DLGAP1: variants seen among roughly 807,000 people sequenced by gnomAD.
The protein encoded by DLGAP1 is disks large-associated protein 1.
In DLGAP1, 11 loss-of-function variants were observed where a neutral mutation model predicts 90.8. The ratio of observed to expected loss-of-function variants is 0.12; its 90% CI spans 0.08 to 0.20. DLGAP1 has a LOEUF of 0.20. Among genes scored for constraint, DLGAP1 ranks in the 10% least tolerant of loss-of-function variants. The probability of loss-of-function intolerance (pLI) is 1.00; values close to 1 mark genes in which losing one functional copy is unlikely to be tolerated. For missense variants in DLGAP1, 1,050 were observed against 1,333.8 expected (o/e 0.79, Z 3.31); for synonymous variants, 558 against 540.7 (o/e 1.03, Z -0.44).
chr18:4,025,059 C>A (rs958457266), intron 2 of DLGAP1, among the ~76,000 whole-genome samples: 3 of 152,150 alleles, frequency 2.0e-5, no homozygotes, highest in African/African-American at 7.2e-5. Context: ...ACTTCTTGTG[C>A]ACTTATAAAG....
intron 1 of DLGAP1, among the ~76,000 whole-genome samples, chr18:4,400,173 C>G (rs1382930402): frequency 1.3e-5 from 2 of 152,116 alleles, no homozygotes; most frequent in Admixed American, 1.3e-4. Flanking sequence ...CCCTGAGCAT[C>G]TGCCTGCACT....
chr18:3,747,185 T>C (rs2063306631), intron 5 of DLGAP1, among the ~76,000 whole-genome samples: 1 of 152,164 alleles, frequency 6.6e-6, no homozygotes, highest in African/African-American at 2.4e-5. Context: ...CCTGTCTGTA[T>C]TTTTTAATAT....
chr18:4,351,217 T>C lies in DLGAP1; in HGVS notation c.-267+103789A>G, dbSNP rs142128123. ...TTCAACCAATTGTTAGCGTGTTTGC[T>C]GTAGATTAAAACACTGCCACAGGCT... is the stretch of plus-strand genomic sequence containing the variant. On this transcript the variant is annotated intron_variant, in intron 1 of 12. Transcript: ENST00000315677. 4.3e-3 allele frequency among the ~76,000 whole-genome samples: 660 copies of C among 152,330 alleles called. 5 individuals are homozygous for C. Among genetic ancestry groups the C allele is most frequent in the African/African-American group, 0.015 (638 of 41,574 alleles).
intron 1 of DLGAP1, among the ~76,000 whole-genome samples, chr18:4,204,937 C>CT (rs2077691057): frequency 6.6e-6 from 1 of 150,712 alleles, no homozygotes; most frequent in Non-Finnish European, 1.5e-5. Flanking sequence ...TGGCTTGACT[C>CT]TTCTTCCCCC....
intron 7 of DLGAP1, among the ~76,000 whole-genome samples, chr18:3,678,807 AAAG>A (rs2060404494): frequency 6.6e-6 from 1 of 152,302 alleles, no homozygotes; most frequent in South Asian, 2.1e-4. Flanking sequence ...AGCTCCAGTA[AAAG>A]AAGGTGTGAA....
intron 4 of DLGAP1, among the ~76,000 whole-genome samples, chr18:3,835,465 C>T (rs577745072): frequency 1.2e-3 from 180 of 151,892 alleles, no homozygotes; most frequent in African/African-American, 3.9e-3. Context: ...CTGGGTAACA[C>T]GGTGAAACCC....
At chr18:4,319,534 T>C (rs901160131) in intron 1 of DLGAP1, among the ~76,000 whole-genome samples, 2 of 152,130 alleles carry the variant, frequency 1.3e-5, no homozygotes, top group African/African-American at 2.4e-5. Context: ...CTTTAATTCT[T>C]GAAGATGACT....
intron 6 of DLGAP1, 118 bp downstream of exon 6, chr18:3,742,217 C>T: frequency 1.6e-6 from 2 of 1,272,450 alleles, no homozygotes; most frequent in Non-Finnish European, 2.2e-6. Flanking sequence ...GACCTCCTGT[C>T]TGATCCATCA....
At chr18:3,851,169 C>A (rs183742587) in intron 4 of DLGAP1, among the ~76,000 whole-genome samples, 35 of 152,136 alleles carry the variant, frequency 2.3e-4, no homozygotes, top group African/African-American at 7.2e-4. Flanking sequence ...TCAGAAATCT[C>A]TGTTGAATAT....
intron 4 of DLGAP1, among the ~76,000 whole-genome samples, chr18:3,862,059 C>G (rs2070100359): frequency 6.6e-6 from 1 of 152,252 alleles, no homozygotes; most frequent in African/African-American, 2.4e-5. Context: ...TTGAGACTCA[C>G]TTGTCTCAGC....
rs1186426563 is a variant in DLGAP1, at chr18:3,720,888, C to CAAAAAAAAAA, written c.1591+8237_1591+8246dup. Among the ~76,000 whole-genome samples the CAAAAAAAAAA allele has an allele frequency of 3.8e-4, 19 of 50,300 alleles. 1 individual carries two copies. Among genetic ancestry groups the CAAAAAAAAAA allele is most frequent in the South Asian group, 8.9e-4 (1 of 1,128 alleles). 33.0% of individuals were successfully genotyped at this position (50,300 alleles called of 152,430 possible). A position where few individuals can be genotyped will look rare whatever the true frequency, so the allele number is the denominator to read the frequency against. ...GCAACATACTAAGACCTTGTCTCTACAAAAAAAAAAAAAAAAAAAAATTAG... is the reference window on the plus strand; with the variant it reads ...GCAACATACTAAGACCTTGTCTCTACAAAAAAAAAAAAAAAAAAAAAAAAAAAAAAATTAG... On this transcript the variant is annotated intron_variant, in intron 7 of 12. Coordinates refer to ENST00000315677, the MANE Select transcript of DLGAP1 (RefSeq NM_004746.4).
chr18:4,338,767 T>G (rs977072389), intron 1 of DLGAP1, among the ~76,000 whole-genome samples: 7 of 152,230 alleles, frequency 4.6e-5, no homozygotes, highest in Non-Finnish European at 8.8e-5. Flanking sequence ...GCAGATTCCA[T>G]TATGCAAATA....
At chr18:3,891,846 G>A (rs962877375) in intron 3 of DLGAP1, 1 of 151,852 alleles carries the variant, frequency 6.6e-6, no homozygotes, top group African/African-American at 2.4e-5. Context: ...GGAACTCGTG[G>A]GCTTAAGGAA....
chr18:4,111,081 A>G (rs532558506), intron 2 of DLGAP1, among the ~76,000 whole-genome samples: 3 of 152,274 alleles, frequency 2.0e-5, no homozygotes, highest in Admixed American at 2.0e-4. Context: ...AAGTGGAGGA[A>G]GCTGCCTTCC....
At position 3,904,920 on chromosome 18, in the gene DLGAP1, T is replaced by C. The variant is rs1025852308; in HGVS notation, c.-72-24780A>G. 5.9e-5 allele frequency among the ~76,000 whole-genome samples: 9 copies of C among 152,196 alleles called. No homozygotes were observed. In the South Asian group the frequency reaches 6.2e-4, roughly 11 times the overall value. On this transcript the variant is annotated intron_variant, in intron 3 of 12. Transcript: ENST00000315677. ...CATTTGGCATAGTAGATACATTTTC[T>C]GGACTACTGAATATGCATGGCTTTG... is the stretch of plus-strand genomic sequence containing the variant.
In DLGAP1 at chr18:4,084,593, C is replaced by A. The variant is rs1041040987; in HGVS notation, c.-159+66587G>T. On this transcript the variant is annotated intron_variant, in intron 2 of 12. Coordinates refer to ENST00000315677, the MANE Select transcript of DLGAP1 (RefSeq NM_004746.4). This position sits in a 1 kb window ranked among gnomAD's most constrained non-coding sequence, Gnocchi z 4.0. ...CTAAGACTCAGGGACACAGAAGAAT[C>A]TGCACAAACAGGCCTTGCTCAGTTC... 1.3e-5 allele frequency among the ~76,000 whole-genome samples: 2 copies of A among 152,306 alleles called. No individual in the cohort carries two copies. The highest frequency in any genetic ancestry group is 4.8e-5 in the African/African-American group (2 of 41,568).
At chr18:4,412,364 G>GGCTCT (rs1443865080) in intron 1 of DLGAP1, among the ~76,000 whole-genome samples, 1 of 152,168 alleles carries the variant, frequency 6.6e-6, no homozygotes, top group African/African-American at 2.4e-5. Flanking sequence ...TGATGCAGAG[G>GGCTCT]GCTCTGCCTT....
chr18:3,732,938 A>G (rs1253727876), intron 6 of DLGAP1, among the ~76,000 whole-genome samples: 1 of 152,154 alleles, frequency 6.6e-6, no homozygotes, highest in Non-Finnish European at 1.5e-5. Flanking sequence ...TAGGATATAA[A>G]TACTATAGGG....
chr18:3,871,582 C>T (rs147720595), intron 4 of DLGAP1, among the ~76,000 whole-genome samples: 68 of 152,214 alleles, frequency 4.5e-4, no homozygotes, highest in African/African-American at 1.6e-3. Context: ...GGGACTAAAA[C>T]CTCTTTATTC....
Sources: allele counts gnomAD v4.1 joint callset (sites outside exome capture counted in the v4.1 genomes callset), GRCh38; gene constraint gnomAD v4.1.1; non-coding constraint Gnocchi (gnomAD v3.1); transcripts MANE v1.5; gene names NCBI Gene and HGNC (gene_info 2026-07-23, HGNC 2026-07-21).